Variants in NRXN3 observed in about 807,000 individuals in gnomAD.
NRXN3 encodes neurexin 3.
NRXN3 carries 32 observed loss-of-function variants against 137.6 expected under a neutral mutation model. That is an observed-to-expected ratio of 0.23 (90% CI 0.18 to 0.31). The LOEUF is 0.31. NRXN3 is among the 10% of genes least tolerant of loss of function. NRXN3 has a pLI of 1.00. For missense variants in NRXN3, 1,574 were observed against 2,062.5 expected (o/e 0.76, Z 4.59); for synonymous variants, 798 against 784.5 (o/e 1.02, Z -0.29).
intron 4 of NRXN3, among the ~76,000 whole-genome samples, chr14:78,499,676 A>G (rs1385499913): frequency 6.6e-6 from 1 of 152,190 alleles, no homozygotes; most frequent in Non-Finnish European, 1.5e-5. Flanking sequence ...GCCAGGGCTG[A>G]GTTCTCATCT....
At chr14:78,199,388 T>C (rs1050229779) in intron 1 of NRXN3, among the ~76,000 whole-genome samples, 1 of 152,176 alleles carries the variant, frequency 6.6e-6, no homozygotes, top group African/African-American at 2.4e-5. Context: ...TTCTTGAAAG[T>C]AGCAATAATA....
At chr14:79,253,702 G>A (rs1466861419) in intron 15 of NRXN3, among the ~76,000 whole-genome samples, 4 of 152,306 alleles carry the variant, frequency 2.6e-5, no homozygotes, top group Middle Eastern at 6.8e-3. Flanking sequence ...GAAAGAGCGA[G>A]GCAGGAGCTG....
intron 4 of NRXN3, among the ~76,000 whole-genome samples, chr14:78,377,025 TAAAG>T (rs1207888590): frequency 1.3e-5 from 2 of 151,764 alleles, no homozygotes; most frequent in Non-Finnish European, 2.9e-5. Flanking sequence ...AAAACAGAAA[TAAAG>T]AACAGAGAAA....
intron 8 of NRXN3, among the ~76,000 whole-genome samples, chr14:78,777,521 A>G (rs1286783125): frequency 6.6e-6 from 1 of 152,214 alleles, no homozygotes; most frequent in Non-Finnish European, 1.5e-5. Flanking sequence ...TGTACTAGCT[A>G]CTGTGTCAAA....
At chr14:78,631,785 A>G (rs1417991137) in intron 4 of NRXN3, among the ~76,000 whole-genome samples, 2 of 152,038 alleles carry the variant, frequency 1.3e-5, no homozygotes, top group Non-Finnish European at 2.9e-5. Context: ...GTGTTGCAGC[A>G]TCTGTAAATG....
intron 15 of NRXN3, among the ~76,000 whole-genome samples, chr14:79,216,648 T>A (rs2068548784): frequency 6.6e-6 from 1 of 152,214 alleles, no homozygotes; most frequent in African/African-American, 2.4e-5. Flanking sequence ...TTTAAAGTGC[T>A]CTGTGTTTGA....
chr14:78,233,411 G>A (rs982054329), intron 1 of NRXN3, among the ~76,000 whole-genome samples: 3 of 152,088 alleles, frequency 2.0e-5, no homozygotes, highest in African/African-American at 7.2e-5. Flanking sequence ...TCTCCTCTGA[G>A]AAACCTCTGA....
At chr14:79,271,663 T>G (rs1228687549) in intron 15 of NRXN3, among the ~76,000 whole-genome samples, 4 of 151,816 alleles carry the variant, frequency 2.6e-5, no homozygotes, top group African/African-American at 9.7e-5. Context: ...GAAGAAAAAC[T>G]TGATCCCTTT....
intron 15 of NRXN3, among the ~76,000 whole-genome samples, chr14:79,325,373 C>G (rs1436532502): frequency 6.6e-6 from 1 of 152,156 alleles, no homozygotes; most frequent in Non-Finnish European, 1.5e-5. Context: ...TTGGCCACTC[C>G]CGATGCTACA....
At chr14:79,519,749 A>T (rs1242436831) in intron 16 of NRXN3, among the ~76,000 whole-genome samples, 1 of 150,768 alleles carries the variant, frequency 6.6e-6, no homozygotes, top group African/African-American at 2.4e-5. Flanking sequence ...GTGATCAGAA[A>T]ATGTGTACAA....
rs899969579 is a variant in NRXN3, at chr14:78,968,565, G to A, written c.3142+219G>A. ...ATGTATGTTGGCAGATGTTTTCTGA[G>A]TATCACATACTTGCCAATAAAAATA... On this transcript the variant is annotated intron_variant, in intron 14 of 20. Coordinates refer to ENST00000335750, the MANE Select transcript of NRXN3 (RefSeq NM_001330195.2). Among the ~76,000 whole-genome samples, 9 of 152,170 alleles carry A rather than the reference G, an allele frequency of 5.9e-5. No homozygotes were observed. The South Asian group carries it at 6.2e-4, about 11-fold the overall frequency.
intron 4 of NRXN3, among the ~76,000 whole-genome samples, chr14:78,610,240 C>T (rs1047803981): frequency 1.3e-5 from 2 of 152,128 alleles, no homozygotes; most frequent in Non-Finnish European, 2.9e-5. Flanking sequence ...GCTGAGCCAA[C>T]GTTTAAAAAT....
intron 15 of NRXN3, among the ~76,000 whole-genome samples, chr14:79,156,912 A>G (rs2060301947): frequency 6.6e-6 from 1 of 151,804 alleles, no homozygotes; most frequent in African/African-American, 2.4e-5. Context: ...TGCATGGTAG[A>G]ATGTATAGCA....
At chr14:79,592,370 G>A (rs1389232917) in intron 16 of NRXN3, among the ~76,000 whole-genome samples, 1 of 152,126 alleles carries the variant, frequency 6.6e-6, no homozygotes, top group East Asian at 1.9e-4. Flanking sequence ...CCCTGAGATA[G>A]TTTTTGTCTA....
chr14:78,307,270 C>T (rs2077464411), intron 4 of NRXN3, among the ~76,000 whole-genome samples: 2 of 152,032 alleles, frequency 1.3e-5, no homozygotes, highest in South Asian at 4.1e-4. Flanking sequence ...ATATGCCCAT[C>T]ACTATAAGGT....
At chr14:79,500,111 C>G (rs1403319859) in intron 16 of NRXN3, among the ~76,000 whole-genome samples, 3 of 151,574 alleles carry the variant, frequency 2.0e-5, no homozygotes, top group African/African-American at 7.3e-5. Context: ...AAAGGTGCTT[C>G]TGTTTCTGTT....
At chr14:78,484,771 C>T (rs1013774159) in intron 4 of NRXN3, among the ~76,000 whole-genome samples, 11 of 152,080 alleles carry the variant, frequency 7.2e-5, no homozygotes, top group African/African-American at 2.7e-4. Context: ...GAAAGGCAGC[C>T]GCTGATCACT....
chr14:79,506,799 C>T (rs1003940538), intron 16 of NRXN3, among the ~76,000 whole-genome samples: 2 of 152,166 alleles, frequency 1.3e-5, no homozygotes, highest in African/African-American at 4.8e-5. Flanking sequence ...TTTTAGTTGA[C>T]ATATTCAATT....
chr14:79,498,056 C>CA (rs376528354), intron 16 of NRXN3, among the ~76,000 whole-genome samples: 99 of 151,482 alleles, frequency 6.5e-4, no homozygotes, highest in African/African-American at 1.7e-3. Context: ...AACAAACAAA[C>CA]AAAAAAAACC....
Sources: allele counts gnomAD v4.1 joint callset (sites outside exome capture counted in the v4.1 genomes callset), GRCh38; gene constraint gnomAD v4.1.1; transcripts MANE v1.5; gene names NCBI Gene and HGNC (gene_info 2026-07-23, HGNC 2026-07-21).